The following TRERF1 variants were observed in gnomAD, a reference collection of about 807,000 sequenced individuals.
The protein encoded by TRERF1 is transcriptional-regulating factor 1.
A neutral mutation model predicts 122.9 loss-of-function variants in TRERF1; 27 were observed. That is an observed-to-expected ratio of 0.22 (90% CI 0.16 to 0.30). TRERF1 has a LOEUF of 0.30. Ranked by LOEUF, TRERF1 falls within the 10% of genes least tolerant of loss-of-function variation. The probability of loss-of-function intolerance (pLI) is 1.00; values close to 1 mark genes in which losing one functional copy is unlikely to be tolerated. For missense variants in TRERF1, 1,248 were observed against 1,560.3 expected, an observed-to-expected ratio of 0.80 and a Z score of 3.37; for synonymous variants, 636 against 641.7, an observed-to-expected ratio of 0.99 and a Z score of 0.13.
At chr6:42,323,486 C>T (rs150673098) in intron 3 of TRERF1, among the ~76,000 whole-genome samples, 6,005 of 152,062 alleles carry the variant, frequency 0.039, 272 homozygotes, top group East Asian at 0.22. Flanking sequence ...TGTGAGCCAC[C>T]GCGCCTGGCC....
At chr6:42,301,342 G>A (rs1582907785) in intron 3 of TRERF1, among the ~76,000 whole-genome samples, 1 of 152,108 alleles carries the variant, frequency 6.6e-6, no homozygotes, top group African/African-American at 2.4e-5. Context: ...CAATTCTCCT[G>A]CCTCAGCCTC....
intron 2 of TRERF1, among the ~76,000 whole-genome samples, chr6:42,424,539 C>A (rs1224576560): frequency 6.6e-6 from 1 of 152,150 alleles, no homozygotes; most frequent in East Asian, 1.9e-4. Flanking sequence ...AATCCAAAAT[C>A]TGAAATACTT....
chr6:42,240,801 T>A (rs1240224883), intron 15 of TRERF1, among the ~76,000 whole-genome samples: 3 of 152,242 alleles, frequency 2.0e-5, no homozygotes, highest in Non-Finnish European at 4.4e-5. Context: ...CATCCCGGGT[T>A]ACCCACAGCA....
At chr6:42,315,619 G>T (rs1762339613) in intron 3 of TRERF1, among the ~76,000 whole-genome samples, 2 of 152,068 alleles carry the variant, frequency 1.3e-5, no homozygotes, top group Non-Finnish European at 2.9e-5. Flanking sequence ...GTCAAATGAA[G>T]GGGGGCCATC....
intron 2 of TRERF1, among the ~76,000 whole-genome samples, chr6:42,418,712 C>T (rs1319643182): frequency 6.6e-6 from 1 of 152,116 alleles, no homozygotes; most frequent in African/African-American, 2.4e-5. Flanking sequence ...GAACTGGGGG[C>T]TGCCTGTGGC....
At chr6:42,300,279 G>A (rs1785935276) in intron 4 of TRERF1, among the ~76,000 whole-genome samples, 1 of 152,180 alleles carries the variant, frequency 6.6e-6, no homozygotes, top group South Asian at 2.1e-4. Context: ...GGACTCTCAG[G>A]TCGTGGACTG....
intron 5 of TRERF1, among the ~76,000 whole-genome samples, chr6:42,266,002 C>G (rs1779091764): frequency 6.6e-6 from 1 of 151,996 alleles, no homozygotes; most frequent in South Asian, 2.1e-4. Flanking sequence ...GACTTGGGAC[C>G]ACCGCCCCAC....
At chr6:42,354,721 T>C (rs1770175547) in intron 3 of TRERF1, among the ~76,000 whole-genome samples, 1 of 152,208 alleles carries the variant, frequency 6.6e-6, no homozygotes, top group African/African-American at 2.4e-5. Context: ...CCTCCTTTTA[T>C]GACAGCACCA....
chr6:42,243,931 T>G (rs1175685477), intron 14 of TRERF1, among the ~76,000 whole-genome samples: 8 of 144,424 alleles, frequency 5.5e-5, no homozygotes, highest in African/African-American at 2.1e-4. Context: ...GAGGCTGGAG[T>G]GCAGTGGCAC....
intron 2 of TRERF1, among the ~76,000 whole-genome samples, chr6:42,447,500 C>G (rs1787728173): frequency 6.6e-6 from 1 of 152,204 alleles, no homozygotes; most frequent in South Asian, 2.1e-4. Flanking sequence ...ACTGGTTTCC[C>G]TTCAACATGC....
Position 42,263,763 on chromosome 6 carries a change from T to A in TRERF1, c.1636-195A>T, listed in dbSNP as rs1040645678. Among the ~76,000 whole-genome samples the A allele has an allele frequency of 1.3e-5, 2 of 152,216 alleles. No homozygotes were observed. Among genetic ancestry groups the A allele is most frequent in the Non-Finnish European group, 2.9e-5 (2 of 68,022 alleles). On this transcript the variant is annotated intron_variant, in intron 7 of 17. Coordinates refer to ENST00000372922, the Ensembl canonical transcript of TRERF1. This position sits in a 1 kb window ranked among gnomAD's most constrained non-coding sequence, Gnocchi z 5.6. ...TGATGGTGGAAGAGGCTGGACTCCA[T>A]TTTTTACAGTTAAAAATTCTTGACC... is the stretch of plus-strand genomic sequence containing the variant.
chr6:42,412,644 G>A (rs1234883337), intron 2 of TRERF1, among the ~76,000 whole-genome samples: 1 of 152,180 alleles, frequency 6.6e-6, no homozygotes, highest in South Asian at 2.1e-4. Flanking sequence ...CAGCTCAGTG[G>A]TGGGGCATGA....
At chr6:42,407,533 T>C (rs1295191592) in intron 2 of TRERF1, among the ~76,000 whole-genome samples, 3 of 152,028 alleles carry the variant, frequency 2.0e-5, no homozygotes, top group Admixed American at 1.3e-4. Flanking sequence ...GTGATCTAAT[T>C]TGTGGGTGTC....
At chr6:42,347,100 G>T (rs1768448930) in intron 3 of TRERF1, among the ~76,000 whole-genome samples, 1 of 152,208 alleles carries the variant, frequency 6.6e-6, no homozygotes, top group Non-Finnish European at 1.5e-5. Context: ...AGGACCCCAT[G>T]TATCCCTCTT....
intron 2 of TRERF1, among the ~76,000 whole-genome samples, chr6:42,394,928 C>T (rs1778329275): frequency 6.6e-6 from 1 of 152,198 alleles, no homozygotes; most frequent in East Asian, 1.9e-4. Flanking sequence ...TCTTCACTAC[C>T]GCCCACCACA....
chr6:42,275,560 G>C lies in TRERF1; in HGVS notation c.-258-5712C>G, dbSNP rs746606502. Among the ~76,000 whole-genome samples the C allele has an allele frequency of 1.3e-5, 2 of 152,244 alleles. No homozygotes were observed. The highest frequency in any genetic ancestry group is 2.9e-5 in the Non-Finnish European group (2 of 68,042). ...GTAGGGACAGCAGCCTGCCCATGTG[G>C]TGTCCTCAGGGACTGGGACATAGCA... is the stretch of plus-strand genomic sequence containing the variant. On this transcript the variant is annotated intron_variant, in intron 4 of 17. Transcript: ENST00000372922. This position sits in a 1 kb window ranked among gnomAD's most constrained non-coding sequence, Gnocchi z 4.1.
At chr6:42,358,953 CG>C (rs1320490807) in intron 3 of TRERF1, among the ~76,000 whole-genome samples, 2 of 152,076 alleles carry the variant, frequency 1.3e-5, no homozygotes, top group African/African-American at 4.8e-5. Flanking sequence ...CTACAGAAGA[CG>C]GAAGTCTAAC....
chr6:42,264,046 CAT>C lies in TRERF1; in HGVS notation c.1636-480_1636-479del, dbSNP rs61006612. On this transcript the variant is annotated intron_variant, in intron 7 of 17. Transcript: ENST00000372922. Reference sequence around the variant, plus strand: ...TAAAGACAAAAGCTTTTTTAAAAAACATAATCTGGCATGGCCAGGAGATGGAG... The same window carrying C: ...TAAAGACAAAAGCTTTTTTAAAAAACAATCTGGCATGGCCAGGAGATGGAG... Among the ~76,000 whole-genome samples the C allele has an allele frequency of 5.6e-3, 846 of 152,274 alleles. 12 individuals are homozygous for C. Among genetic ancestry groups the C allele is most frequent in the African/African-American group, 0.019 (809 of 41,566 alleles).
chr6:42,393,196 G>A lies in TRERF1; in HGVS notation c.-453-30117C>T, dbSNP rs1212465602. Among the ~76,000 whole-genome samples the A allele has an allele frequency of 1.3e-5, 2 of 152,190 alleles. No homozygotes were observed. Among genetic ancestry groups the A allele is most frequent in the African/African-American group, 4.8e-5 (2 of 41,456 alleles). ...CAACCAGCATCTTTGTAGTACTTCA[G>A]GTTACAAAGCACATCAGAGGTCATT... On this transcript the variant is annotated intron_variant, in intron 2 of 17. Transcript: ENST00000372922. This position sits in a 1 kb window ranked among gnomAD's most constrained non-coding sequence, Gnocchi z 4.1.
Sources: allele counts gnomAD v4.1 joint callset (sites outside exome capture counted in the v4.1 genomes callset), GRCh38; gene constraint gnomAD v4.1.1; non-coding constraint Gnocchi (gnomAD v3.1); transcripts MANE v1.5; gene names NCBI Gene and HGNC (gene_info 2026-07-23, HGNC 2026-07-21).